The following LHFPL3 variants were observed in gnomAD, a reference collection of about 807,000 sequenced individuals.
LHFPL3 encodes the protein LHFPL tetraspan subfamily member 3.
Under a neutral mutation model 19.3 loss-of-function variants are expected in LHFPL3, and 5 were observed. The ratio of observed to expected loss-of-function variants is 0.26; its 90% CI spans 0.14 to 0.54. The LOEUF is 0.54. LHFPL3 is among the 20% of genes least tolerant of loss of function. The pLI is 0.94. For missense variants in LHFPL3, 249 were observed against 307.4 expected (o/e 0.81, Z 1.42); for synonymous variants, 133 against 126.2 (o/e 1.05, Z -0.36).
intron 2 of LHFPL3, among the ~76,000 whole-genome samples, chr7:104,875,067 C>T (rs1342692378): frequency 1.3e-5 from 2 of 151,650 alleles, no homozygotes; most frequent in East Asian, 1.9e-4. Context: ...AGGCTGGTCT[C>T]GAACTCCTGG....
In LHFPL3 at chr7:104,417,857, ATTC is replaced by A. The variant is rs1205200413; in HGVS notation, c.445+88660_445+88662del. Among the ~76,000 whole-genome samples the A allele has an allele frequency of 9.1e-3, 1,143 of 125,638 alleles. 22 individuals carry two copies. The highest frequency in any genetic ancestry group is 0.028 in the African/African-American group (889 of 31,840). 82.4% of individuals were successfully genotyped at this position (125,638 alleles called of 152,430 possible). A position where few individuals can be genotyped will look rare whatever the true frequency, so the allele number is the denominator to read the frequency against. On this transcript the variant is annotated intron_variant, in intron 1 of 2. Transcript: ENST00000424859. ...ACTGTTATTCGTATTTTCTTTTCTA[ATTC>A]TTCTTCTTCTTCTTCTTCTTCTTCT...
rs187847053 is a variant in LHFPL3 at position 104,683,282 on chromosome 7, A to G, written c.446-53393A>G. The stretch of plus-strand genomic sequence containing the variant: ...TGGGAATACAGGCGTGAGCCACCGC[A>G]CCCGGCCACTGGTGAATCTTGTAAC... On this transcript the variant is annotated intron_variant, in intron 1 of 2. Transcript: ENST00000424859. 2.9e-3 allele frequency among the ~76,000 whole-genome samples: 434 copies of G among 152,048 alleles called. 1 individual carries two copies. The highest frequency in any genetic ancestry group is 0.01 in the African/African-American group (416 of 41,524).
intron 2 of LHFPL3, chr7:104,757,781 G>C (rs911188304): frequency 4.6e-5 from 7 of 152,170 alleles, no homozygotes; most frequent in African/African-American, 1.7e-4. Context: ...AGCCACTGTG[G>C]AAAGCAGTTT....
intron 1 of LHFPL3, among the ~76,000 whole-genome samples, chr7:104,683,039 G>C (rs188050240): frequency 4.6e-5 from 7 of 152,258 alleles, no homozygotes; most frequent in African/African-American, 1.4e-4. Context: ...GCCCAGGCTG[G>C]AGTTCAGTGC....
At chr7:104,357,499 C>T (rs1211119674) in intron 1 of LHFPL3, among the ~76,000 whole-genome samples, 1 of 152,162 alleles carries the variant, frequency 6.6e-6, no homozygotes, top group African/African-American at 2.4e-5. Flanking sequence ...TTTCGGGTAG[C>T]CAACTTCAGC....
intron 1 of LHFPL3, among the ~76,000 whole-genome samples, chr7:104,482,997 A>G (rs1419738697): frequency 1.3e-5 from 2 of 152,372 alleles, no homozygotes; most frequent in South Asian, 4.1e-4. Flanking sequence ...TAGTGCCCTC[A>G]TGATGTGGAC....
intron 1 of LHFPL3, among the ~76,000 whole-genome samples, chr7:104,401,058 T>G (rs574756261): frequency 9.8e-5 from 15 of 152,334 alleles, no homozygotes; most frequent in African/African-American, 3.6e-4. Context: ...CTAAGACCAG[T>G]CTGGGGATAG....
At chr7:104,557,355 A>C (rs901091337) in intron 1 of LHFPL3, among the ~76,000 whole-genome samples, 1 of 152,228 alleles carries the variant, frequency 6.6e-6, no homozygotes, top group African/African-American at 2.4e-5. Flanking sequence ...GGCAAGGAGG[A>C]TCAAGTCACG....
At chr7:104,652,531 C>T (rs1792051389) in intron 1 of LHFPL3, among the ~76,000 whole-genome samples, 1 of 152,102 alleles carries the variant, frequency 6.6e-6, no homozygotes, top group Admixed American at 6.5e-5. Flanking sequence ...AAACATGTAT[C>T]TGTTTGAGGA....
intron 2 of LHFPL3, among the ~76,000 whole-genome samples, chr7:104,847,882 A>G (rs569612158): frequency 1.3e-5 from 2 of 152,220 alleles, no homozygotes; most frequent in South Asian, 4.1e-4. Flanking sequence ...GGGTTTTCAG[A>G]TATCAAGTTT....
chr7:104,552,239 A>G (rs1794674525), intron 1 of LHFPL3, among the ~76,000 whole-genome samples: 1 of 152,194 alleles, frequency 6.6e-6, no homozygotes, highest in Admixed American at 6.5e-5. Flanking sequence ...CATAACCAAG[A>G]TGTGCAGGAA....
chr7:104,807,748 T>C (rs941858401), intron 2 of LHFPL3, among the ~76,000 whole-genome samples: 1 of 152,240 alleles, frequency 6.6e-6, no homozygotes, highest in Non-Finnish European at 1.5e-5. Flanking sequence ...CTCTGTGACA[T>C]ACAAAAGATG....
intron 1 of LHFPL3, among the ~76,000 whole-genome samples, chr7:104,532,139 A>C (rs1471724559): frequency 6.6e-6 from 1 of 152,010 alleles, no homozygotes; most frequent in African/African-American, 2.4e-5. Flanking sequence ...TTATTTTGAA[A>C]CTGGGTCTTG....
intron 2 of LHFPL3, among the ~76,000 whole-genome samples, chr7:104,749,647 G>A (rs1387254667): frequency 6.6e-6 from 1 of 152,308 alleles, no homozygotes; most frequent in Non-Finnish European, 1.5e-5. Context: ...CGGCCCTTAA[G>A]TCAGTTAACA....
intron 1 of LHFPL3, among the ~76,000 whole-genome samples, chr7:104,623,524 G>C (rs1015414117): frequency 1.3e-5 from 2 of 152,208 alleles, no homozygotes; most frequent in African/African-American, 4.8e-5. Context: ...CAGCTACTTG[G>C]GAGGCTGAGG....
chr7:104,416,226 C>CAAGGATTGCTGGA (rs1335350952), intron 1 of LHFPL3, among the ~76,000 whole-genome samples: 4 of 152,208 alleles, frequency 2.6e-5, no homozygotes, highest in Admixed American at 6.5e-5. Flanking sequence ...CAAGGAATTC[C>CAAGGATTGCTGGA]AAGGATTGCT....
intron 1 of LHFPL3, among the ~76,000 whole-genome samples, chr7:104,561,200 G>A (rs574499734): frequency 0.014 from 2,181 of 150,534 alleles, 55 homozygotes; most frequent in African/African-American, 0.052. Flanking sequence ...TATTAGGTCC[G>A]CTTGTTGCAG....
intron 1 of LHFPL3, among the ~76,000 whole-genome samples, chr7:104,375,954 A>T (rs540646540): frequency 6.6e-6 from 1 of 152,348 alleles, no homozygotes; most frequent in Admixed American, 6.5e-5. Context: ...TTTGCTAAAA[A>T]TCCAGATGCC....
intron 2 of LHFPL3, among the ~76,000 whole-genome samples, chr7:104,891,654 G>A (rs1020126355): frequency 2.6e-5 from 4 of 152,210 alleles, no homozygotes; most frequent in Non-Finnish European, 2.9e-5. Context: ...TAAAATGAAC[G>A]CCTGGGCAGA....
Sources: gnomAD v4.1 joint callset for allele counts (sites outside exome capture counted in the v4.1 genomes callset) on GRCh38, gnomAD v4.1.1 for gene constraint, MANE v1.5 for transcripts, NCBI Gene and HGNC (gene_info 2026-07-23, HGNC 2026-07-21) for gene names.